Variants in BEND7 observed in about 807,000 individuals in gnomAD.
BEND7 encodes BEN domain-containing protein 7.
Under a neutral mutation model 50.9 loss-of-function variants are expected in BEND7, and 28 were observed. The observed-to-expected ratio is 0.55, with a 90% CI of 0.41 to 0.75. The LOEUF (loss-of-function observed/expected upper bound fraction) is 0.75. Ranked by LOEUF, BEND7 falls within the 30% of genes least tolerant of loss-of-function variation. BEND7 has a pLI of 0.00. For synonymous variants in BEND7, 170 were observed against 183.9 expected, an observed-to-expected ratio of 0.92 and a Z score of 0.61; for missense variants, 477 against 491.3, an observed-to-expected ratio of 0.97 and a Z score of 0.28.
rs138236058 is a variant in BEND7 at position 13,520,883 on chromosome 10, C to T, written c.145+5255G>A. Among the ~76,000 whole-genome samples, 678 of 152,216 alleles carry T rather than the reference C, an allele frequency of 4.5e-3. 15 individuals are homozygous for T. The South Asian group carries it at 0.072, about 16-fold the overall frequency. ...GACCAAGTTCTGCATCCACAGCTACCGAAACATATGTTTATGTGCACATAA... is the reference window on the plus strand; with the variant it reads ...GACCAAGTTCTGCATCCACAGCTACTGAAACATATGTTTATGTGCACATAA... On this transcript the variant is annotated intron_variant, in intron 2 of 8. Transcript: ENST00000466271.
At chr10:13,495,775 A>G (rs756942009) in intron 4 of BEND7, among the ~76,000 whole-genome samples, 2 of 152,228 alleles carry the variant, frequency 1.3e-5, no homozygotes, top group African/African-American at 4.8e-5. Flanking sequence ...CACATCACTG[A>G]ATATTAAAAT....
intron 2 of BEND7, among the ~76,000 whole-genome samples, chr10:13,514,236 C>T (rs1035041432): frequency 6.6e-6 from 1 of 152,158 alleles, no homozygotes; most frequent in Non-Finnish European, 1.5e-5. Context: ...CAATAAATAT[C>T]TACAATAGGA....
chr10:13,506,929 A>T (rs1205683208), intron 2 of BEND7, among the ~76,000 whole-genome samples: 1 of 152,172 alleles, frequency 6.6e-6, no homozygotes, highest in Non-Finnish European at 1.5e-5. Flanking sequence ...AAAAACATGC[A>T]TGCAAGGGAG....
chr10:13,523,075 C>G (rs988228028), intron 2 of BEND7, among the ~76,000 whole-genome samples: 2 of 152,174 alleles, frequency 1.3e-5, no homozygotes, highest in African/African-American at 4.8e-5. Context: ...GAACAAGGTC[C>G]CTGTCCTATC....
downstream of BEND7, chr10:13,438,981 T>G: frequency 1.7e-6 from 1 of 592,480 alleles, no homozygotes; most frequent in Admixed American, 3.1e-5. Context: ...GTCGTCAGAA[T>G]GACTCGGTTG....
chr10:13,505,186 C>G (rs554797691), intron 2 of BEND7, among the ~76,000 whole-genome samples: 2 of 152,276 alleles, frequency 1.3e-5, no homozygotes, highest in Non-Finnish European at 2.9e-5. Context: ...CAGTTCTATT[C>G]GCTGCACTCC....
intron 6 of BEND7, among the ~76,000 whole-genome samples, chr10:13,455,115 T>C (rs1297568997): frequency 6.6e-6 from 1 of 151,932 alleles, no homozygotes; most frequent in African/African-American, 2.4e-5. Flanking sequence ...GAGGTTGCAG[T>C]GAGCCGAGAA....
At chr10:13,440,864 A>G (rs1327245890), downstream of BEND7, among the ~76,000 whole-genome samples, 2 of 152,228 alleles carry the variant, frequency 1.3e-5, no homozygotes, top group Admixed American at 6.5e-5. Flanking sequence ...GACTTGCTGT[A>G]GCCATTGATC....
At chr10:13,507,971 CAT>C (rs1291224340) in intron 2 of BEND7, among the ~76,000 whole-genome samples, 3 of 152,160 alleles carry the variant, frequency 2.0e-5, no homozygotes, top group South Asian at 4.1e-4. Context: ...CTTAAAAACT[CAT>C]AGAGGTTGGC....
intron 5 of BEND7, among the ~76,000 whole-genome samples, chr10:13,481,652 A>G: frequency 6.6e-6 from 1 of 152,202 alleles, no homozygotes. Context: ...TTAGCTGCAG[A>G]GATATTTTTT....
chr10:13,529,060 G>A (rs1209381023), upstream of BEND7: 1 of 145,256 alleles, frequency 6.9e-6, no homozygotes, highest in Non-Finnish European at 1.5e-5. Flanking sequence ...CGGGAGGAGG[G>A]GCGCCGGCGG....
At chr10:13,446,977 T>C (rs920304855) in intron 8 of BEND7, 2 of 406,342 alleles carry the variant, frequency 4.9e-6, no homozygotes, top group East Asian at 1.0e-4. Context: ...AAATATTTTG[T>C]AATGTCCAAA....
intron 6 of BEND7, among the ~76,000 whole-genome samples, chr10:13,469,181 T>C (rs1242752667): frequency 6.6e-6 from 1 of 152,122 alleles, no homozygotes; most frequent in Admixed American, 6.5e-5. Context: ...AGGAGGATGC[T>C]AGGGTCGAGT....
chr10:13,488,343 G>C (rs2076394992), intron 5 of BEND7, among the ~76,000 whole-genome samples: 1 of 151,936 alleles, frequency 6.6e-6, no homozygotes, highest in Admixed American at 6.6e-5. Flanking sequence ...ACAAACTTAG[G>C]CCATGTATAT....
chr10:13,512,693 G>C (rs4748042), intron 2 of BEND7, among the ~76,000 whole-genome samples: 149,564 of 152,350 alleles, frequency 0.98, 73,480 homozygotes, highest in Middle Eastern at 1. Flanking sequence ...CATTAAGTAC[G>C]ATCTGGATTA....
At chr10:13,460,115 G>A (rs561701672) in intron 6 of BEND7, 1 of 152,782 alleles carries the variant, frequency 6.5e-6, no homozygotes, top group East Asian at 1.9e-4. Context: ...ATGCTAAAAT[G>A]TCACAATGCG....
At chr10:13,454,135 G>A (rs1038422682) in intron 6 of BEND7, among the ~76,000 whole-genome samples, 5 of 152,190 alleles carry the variant, frequency 3.3e-5, no homozygotes, top group African/African-American at 9.7e-5. Flanking sequence ...GCATTGTTTG[G>A]TTAATCACAT....
Position 13,441,245 on chromosome 10 carries a change from CA to C in BEND7, c.*497del, listed in dbSNP as rs1183563160. 10 of 903,516 alleles carry C rather than the reference CA, an allele frequency of 1.1e-5. No individual in the cohort carries two copies. Among genetic ancestry groups the C allele is most frequent in the African/African-American group, 7.2e-5 (4 of 55,428 alleles). The allele number at this position is 903,516 out of a possible 1,614,324, so 56.0% of individuals were successfully genotyped here. On this transcript the variant is annotated 3_prime_UTR_variant, in exon 9 of 9. Transcript: ENST00000466271. ...TAATTTTAAAAAATCTAAATATTTA[CA>C]TATTAATAAAACATATATACAGAAG...
upstream of BEND7, among the ~76,000 whole-genome samples, chr10:13,529,460 G>C (rs534662377): frequency 1.3e-5 from 2 of 152,250 alleles, no homozygotes; most frequent in Admixed American, 1.3e-4. Flanking sequence ...GAAGGACAGA[G>C]AGGAGGTTTT....
Sources: gnomAD v4.1 joint callset for allele counts (sites outside exome capture counted in the v4.1 genomes callset) on GRCh38, gnomAD v4.1.1 for gene constraint, MANE v1.5 for transcripts, NCBI Gene and HGNC (gene_info 2026-07-23, HGNC 2026-07-21) for gene names.